The following ESYT1 variants were observed in gnomAD, a reference collection of about 807,000 sequenced individuals.
ESYT1 encodes extended synaptotagmin-1.
In ESYT1, 116 loss-of-function variants were observed where a neutral mutation model predicts 154.2. The ratio of observed to expected loss-of-function variants is 0.75; its 90% CI spans 0.65 to 0.88. The LOEUF is 0.88. Ranked by LOEUF, ESYT1 falls within the 40% of genes least tolerant of loss-of-function variation. ESYT1 has a pLI of 0.00. For synonymous variants in ESYT1, 500 were observed against 539.9 expected (o/e 0.93, Z 1.02); for missense variants, 1,264 against 1,379.3 (o/e 0.92, Z 1.32).
rs762084992 is a variant in ESYT1, at chr12:56,143,619, G to A, written c.3265G>A (p.Val1089Ile). The A allele has an allele frequency of 3.3e-5, 53 of 1,614,042 alleles. No individual in the cohort carries two copies. In the East Asian group the frequency reaches 1.1e-3, roughly 35 times the overall value. Residue 1089 changes from valine (V) to isoleucine (I), a missense_variant, in exon 30 of 31, where the codon GTA (valine) becomes ATA (isoleucine). Coordinates refer to ENST00000394048, the MANE Select transcript of ESYT1 (RefSeq NM_015292.3). The stretch of plus-strand genomic sequence containing the variant: ...AGCTGAGACAGACCTTTCCCAGGGT[G>A]TAGCCCGGTGGTGAGTGTCTGCGTG... ...DLAETDLSQGVARWYDLMDNK... is the reference protein window; with the variant it reads ...DLAETDLSQGIARWYDLMDNK...
chr12:56,130,398 G>A, intron 1 of ESYT1, 184 bp from the exon 2 acceptor site: 7 of 681,178 alleles, frequency 1.0e-5, no homozygotes, highest in Non-Finnish European at 1.8e-5. Flanking sequence ...CCCCTTATTA[G>A]AGAGACATCA....
Position 56,136,806 on chromosome 12 carries a change from G to T in ESYT1, c.1695G>T (p.Leu565=). 6.2e-7 allele frequency: 1 copy of T among 1,612,836 alleles called. No homozygotes were observed. Among genetic ancestry groups the T allele is most frequent in the Non-Finnish European group, 8.5e-7 (1 of 1,179,184 alleles). The part of the protein sequence containing the change: ...GALTLPLARL[L]TAPELILDQW... Reference sequence around the variant, plus strand: ...TGACGCTGCCTCTGGCCCGCCTGCTGACTGCCCCAGAACTCATCCTGGACC... The same window carrying T: ...TGACGCTGCCTCTGGCCCGCCTGCTTACTGCCCCAGAACTCATCCTGGACC... Residue 565 remains leucine (L), a synonymous_variant, in exon 16 of 31, where the codon CTG becomes CTT. Coordinates refer to ENST00000394048, the MANE Select transcript of ESYT1 (RefSeq NM_015292.3).
chr12:56,130,859 G>A lies in ESYT1; in HGVS notation c.501G>A (p.Pro167=), dbSNP rs777826405. Residue 167 remains proline (P), a synonymous_variant, in exon 3 of 31, where the codon CCG becomes CCA. Coordinates refer to ENST00000394048, the MANE Select transcript of ESYT1 (RefSeq NM_015292.3). ...MEKLLAETVA[P]AVRGSNPHLQ... Reference sequence around the variant, plus strand: ...AGCTTCTGGCTGAAACTGTGGCTCCGGCTGTTAGGGGATCTAACCCCCATC... The same window carrying A: ...AGCTTCTGGCTGAAACTGTGGCTCCAGCTGTTAGGGGATCTAACCCCCATC... 11 of 1,614,004 alleles carry A rather than the reference G, an allele frequency of 6.8e-6. No homozygotes were observed. The highest frequency in any genetic ancestry group is 4.0e-5 in the African/African-American group (3 of 74,898).
At chr12:56,136,060 CAAA>C (rs72370981) in intron 15 of ESYT1, among the ~76,000 whole-genome samples, 463 of 45,718 alleles carry the variant, frequency 0.01, 1 homozygote, top group Non-Finnish European at 0.015. Flanking sequence ...ACTCTGTCTC[CAAA>C]AAAAAAAAAA....
In ESYT1 at chr12:56,142,497, G is replaced by A; in HGVS notation, c.2733+72G>A. ...GCCTTCACAGGTGAGGGACACCCAG[G>A]AGGGTGGGAACAGAGGGCCGTGTCC... On this transcript the variant is annotated intron_variant, in intron 25 of 30. Transcript: ENST00000394048. This position sits in a 1 kb window ranked among gnomAD's most constrained non-coding sequence, Gnocchi z 4.1. The A allele has an allele frequency of 6.2e-7, 1 of 1,608,696 alleles. No homozygotes were observed. Among genetic ancestry groups the A allele is most frequent in the Non-Finnish European group, 8.5e-7 (1 of 1,176,070 alleles).
At chr12:56,143,759 C>T (rs1235015407) in intron 30 of ESYT1, 64 bp from the exon 31 acceptor site, 32 of 1,610,868 alleles carry the variant, frequency 2.0e-5, no homozygotes, top group Middle Eastern at 1.6e-4. Context: ...GCCCTTGGAT[C>T]GTGTCTCATT....
At position 56,128,481 on chromosome 12, in the gene ESYT1, G is replaced by T. The variant is rs1313939505; in HGVS notation, c.162G>T (p.Val54=). Residue 54 remains valine, a synonymous_variant, in exon 1 of 31, where the codon GTG becomes GTT. Coordinates refer to ENST00000394048, the MANE Select transcript of ESYT1 (RefSeq NM_015292.3). ...GCGCGGCGGGTGAGGCCCTGGCGGT[G>T]CTGACTTCATTCGGGAGGCGGTTGC... The part of the protein sequence containing the change: ...GPGAAGEALA[V]LTSFGRRLLV... 6.2e-7 allele frequency: 1 copy of T among 1,611,072 alleles called. No individual in the cohort carries two copies. The highest frequency in any genetic ancestry group is 1.1e-5 in the South Asian group (1 of 90,768).
Position 56,138,204 on chromosome 12 carries a change from C to T in ESYT1, c.2269C>T (p.Pro757Ser). 1 of 1,614,214 alleles carries T rather than the reference C, an allele frequency of 6.2e-7. No homozygotes were observed. The highest frequency in any genetic ancestry group is 8.5e-7 in the Non-Finnish European group (1 of 1,180,042). The change falls in exon 21 of 31, where the codon CCA becomes TCA. Residue 757 changes from proline to serine, a missense_variant. By Grantham distance (74) the Pro-to-Ser change is moderately conservative (BLOSUM62 -1). Coordinates refer to ENST00000394048, the MANE Select transcript of ESYT1 (RefSeq NM_015292.3). The stretch of plus-strand genomic sequence containing the variant: ...ACAGTGGCTGACCCTGGAGGATGTC[C>T]CATCTGGCCGCCTGCACTTGCGCCT... ...LDEWLTLEDVPSGRLHLRLER... is the reference protein window; with the variant it reads ...LDEWLTLEDVSSGRLHLRLER...
At chr12:56,134,295 G>C (rs1470611800) in intron 14 of ESYT1, 47 bp from the exon 15 acceptor site, 1 of 1,604,100 alleles carries the variant, frequency 6.2e-7, no homozygotes, top group Admixed American at 1.7e-5. Flanking sequence ...GCAGAAACAG[G>C]AATGGTGCTG....
At chr12:56,134,540 C>T (rs1870370749) in intron 15 of ESYT1, 112 bp downstream of exon 15, 1 of 833,374 alleles carries the variant, frequency 1.2e-6, no homozygotes, top group African/African-American at 1.7e-5. Flanking sequence ...ATCCATCTAC[C>T]TAGACTCCCC....
rs938592532 is a variant in ESYT1, at chr12:56,133,566, A to G, written c.1294-22A>G. ...GTAGTTGAGCAGGTATCTGATCTCT[A>G]CTACATCTCAATTTCTTCTAGTGGT... On this transcript the variant is annotated intron_variant, in intron 11 of 30. Coordinates refer to ENST00000394048, the MANE Select transcript of ESYT1 (RefSeq NM_015292.3). 5.0e-6 allele frequency: 8 copies of G among 1,613,768 alleles called. No individual in the cohort carries two copies. The African/African-American group carries it at 8.0e-5, about 16-fold the overall frequency.
At chr12:56,136,680 T>C in intron 15 of ESYT1, 64 bp from the exon 16 acceptor site, 1 of 1,459,434 alleles carries the variant, frequency 6.9e-7, no homozygotes, top group South Asian at 1.4e-5. Flanking sequence ...CATGTTATCA[T>C]TTTCACAGTA....
intron 1 of ESYT1, chr12:56,128,937 G>A (rs1870116891): frequency 1.0e-5 from 6 of 573,418 alleles, no homozygotes; most frequent in Non-Finnish European, 1.5e-5. Context: ...TCCTTCCACA[G>A]AATCAGGACT....
Position 56,144,153 on chromosome 12 carries a change from CTG to C in ESYT1, c.*293_*294del, listed in dbSNP as rs1407561613. On this transcript the variant is annotated 3_prime_UTR_variant, in exon 31 of 31. Coordinates refer to ENST00000394048, the MANE Select transcript of ESYT1 (RefSeq NM_015292.3). ...CTTCCTCCCAACTCCTCAGGGCCTT[CTG>C]TATCTGTGCCTGGCCAGTGGCAGCA... 1 of 1,356,136 alleles carries C rather than the reference CTG, an allele frequency of 7.4e-7. No homozygotes were observed. The highest frequency in any genetic ancestry group is 9.5e-7 in the Non-Finnish European group (1 of 1,052,190). The allele number at this position is 1,356,136 out of a possible 1,614,324, so 84.0% of individuals were successfully genotyped here. A position where few individuals can be genotyped will look rare whatever the true frequency, so the allele number is the denominator to read the frequency against.
intron 15 of ESYT1, among the ~76,000 whole-genome samples, chr12:56,136,355 G>A (rs772432574): frequency 2.6e-5 from 4 of 152,076 alleles, no homozygotes; most frequent in Admixed American, 2.6e-4. Flanking sequence ...GGCTCTGGCC[G>A]AGGTGGGCGG....
In ESYT1 at chr12:56,130,887, C is replaced by T. The variant is rs1870204452; in HGVS notation, c.529C>T (p.Gln177Ter). The change falls in exon 3 of 31, where the codon CAA (glutamine) becomes TAA (stop). Residue 177 changes from glutamine (Q) to a stop codon, truncating the protein, a stop_gained. Transcript: ENST00000394048. LOFTEE classifies it high-confidence loss of function. ...PAVRGSNPHL[Q>*]TFTFTRVELG... ...TGTTAGGGGATCTAACCCCCATCTGCAAACATTTACATTTACACGAGTGGA... is the reference window on the plus strand; with the variant it reads ...TGTTAGGGGATCTAACCCCCATCTGTAAACATTTACATTTACACGAGTGGA... The T allele has an allele frequency of 6.2e-7, 1 of 1,614,172 alleles. No individual in the cohort carries two copies.
At chr12:56,140,336 A>T (rs1199434514) in intron 24 of ESYT1, among the ~76,000 whole-genome samples, 1 of 152,098 alleles carries the variant, frequency 6.6e-6, no homozygotes, top group African/African-American at 2.4e-5. Flanking sequence ...TATGGATTTT[A>T]TCCTAAGGCT....
In ESYT1 at chr12:56,138,194, G is replaced by A. The variant is rs148635396; in HGVS notation, c.2259G>A (p.Leu753=). Residue 753 remains leucine, a synonymous_variant, in exon 21 of 31, where the codon CTG becomes CTA. Coordinates refer to ENST00000394048, the MANE Select transcript of ESYT1 (RefSeq NM_015292.3). ...NSGFLDEWLT[L]EDVPSGRLHL... is the part of the protein sequence containing the mutation. ...GCCTACTTCCACAGTGGCTGACCCT[G>A]GAGGATGTCCCATCTGGCCGCCTGC... 256 of 1,614,084 alleles carry A rather than the reference G, an allele frequency of 1.6e-4. No homozygotes were observed. Among genetic ancestry groups the A allele is most frequent in the Non-Finnish European group, 2.1e-4 (243 of 1,180,046 alleles).
In ESYT1 at chr12:56,130,867, G is replaced by C. The variant is rs757269007; in HGVS notation, c.509G>C (p.Arg170Thr). Residue 170 changes from arginine to threonine, a missense_variant, in exon 3 of 31, where the codon AGG becomes ACG. Transcript: ENST00000394048. ...LLAETVAPAV[R>T]GSNPHLQTFT... ...GCTGAAACTGTGGCTCCGGCTGTTAGGGGATCTAACCCCCATCTGCAAACA... is the reference window on the plus strand; with the variant it reads ...GCTGAAACTGTGGCTCCGGCTGTTACGGGATCTAACCCCCATCTGCAAACA... 3.7e-6 allele frequency: 6 copies of C among 1,614,194 alleles called. No individual in the cohort carries two copies. In the Admixed American group the frequency reaches 6.7e-5, roughly 18 times the overall value.
Sources: allele counts gnomAD v4.1 joint callset (sites outside exome capture counted in the v4.1 genomes callset), GRCh38; gene constraint gnomAD v4.1.1; non-coding constraint Gnocchi (gnomAD v3.1); transcripts MANE v1.5; gene names NCBI Gene and HGNC (gene_info 2026-07-23, HGNC 2026-07-21).